Variants in LUZP2 observed in about 807,000 individuals in gnomAD.
LUZP2 encodes leucine zipper protein 2.
Under a neutral mutation model 51.6 loss-of-function variants are expected in LUZP2, and 52 were observed. That is an observed-to-expected ratio of 1.01 (90% CI 0.81 to 1.27). The LOEUF is 1.27. Ranked by LOEUF, LUZP2 falls within the 50% of genes most tolerant of loss-of-function variation. The pLI, the probability that LUZP2 is intolerant of heterozygous loss-of-function variation, is 0.00. For synonymous variants in LUZP2, 154 were observed against 137.3 expected (o/e 1.12, Z -0.85); for missense variants, 436 against 395.4 (o/e 1.10, Z -0.87).
At chr11:24,885,612 AG>A (rs1189413863) in intron 5 of LUZP2, among the ~76,000 whole-genome samples, 1 of 152,182 alleles carries the variant, frequency 6.6e-6, no homozygotes, top group Non-Finnish European at 1.5e-5. Context: ...TAGTTTACTC[AG>A]TGTATTGAAA....
At chr11:24,996,001 T>A (rs951124098) in intron 9 of LUZP2, among the ~76,000 whole-genome samples, 6 of 151,352 alleles carry the variant, frequency 4.0e-5, no homozygotes, top group African/African-American at 1.4e-4. Context: ...TAATGTTATA[T>A]TCTTCTATCT....
chr11:24,977,252 A>G (rs1290933764), intron 8 of LUZP2, among the ~76,000 whole-genome samples: 2 of 151,710 alleles, frequency 1.3e-5, no homozygotes, highest in Admixed American at 1.3e-4. Flanking sequence ...TAATATTAAC[A>G]AATATACATA....
At chr11:25,017,245 A>C (rs1857187544) in intron 9 of LUZP2, among the ~76,000 whole-genome samples, 1 of 151,858 alleles carries the variant, frequency 6.6e-6, no homozygotes, top group South Asian at 2.1e-4. Flanking sequence ...ATGATGATTT[A>C]TTTTTCTATG....
At chr11:24,606,656 G>GTT (rs1412764199) in intron 1 of LUZP2, among the ~76,000 whole-genome samples, 1 of 151,896 alleles carries the variant, frequency 6.6e-6, no homozygotes, top group Non-Finnish European at 1.5e-5. Flanking sequence ...TATTTCCTTT[G>GTT]TATGTATGCC....
intron 9 of LUZP2, among the ~76,000 whole-genome samples, chr11:25,018,562 T>G (rs187869542): frequency 9.9e-5 from 15 of 152,094 alleles, no homozygotes; most frequent in African/African-American, 3.4e-4. Flanking sequence ...CTTTTAGTCT[T>G]TGAGCTATAA....
At chr11:24,757,118 A>G (rs1281265061) in intron 4 of LUZP2, among the ~76,000 whole-genome samples, 1 of 152,178 alleles carries the variant, frequency 6.6e-6, no homozygotes, top group Non-Finnish European at 1.5e-5. Context: ...GGGCCTGAGA[A>G]CATGTGTTTG....
At chr11:24,844,455 TA>T (rs1325237771) in intron 5 of LUZP2, among the ~76,000 whole-genome samples, 1 of 152,120 alleles carries the variant, frequency 6.6e-6, no homozygotes, top group African/African-American at 2.4e-5. Flanking sequence ...AAGCAGAGTG[TA>T]AAAGTTCAGA....
At chr11:25,047,874 A>T (rs1858365941) in intron 9 of LUZP2, among the ~76,000 whole-genome samples, 1 of 152,166 alleles carries the variant, frequency 6.6e-6, no homozygotes. Flanking sequence ...GTAAGAGTGC[A>T]GTGATACAAT....
intron 1 of LUZP2, among the ~76,000 whole-genome samples, chr11:24,561,012 C>T (rs2133771677): frequency 6.6e-6 from 1 of 152,070 alleles, no homozygotes; most frequent in Non-Finnish European, 1.5e-5. Context: ...AGACATTTTT[C>T]CAAAGGAAAA....
At chr11:24,953,676 A>T (rs1183810051) in intron 7 of LUZP2, among the ~76,000 whole-genome samples, 1 of 152,042 alleles carries the variant, frequency 6.6e-6, no homozygotes, top group Non-Finnish European at 1.5e-5. Context: ...ACAGAAACAA[A>T]AAAAGTGCTT....
At chr11:24,619,568 A>C (rs1165188944) in intron 1 of LUZP2, among the ~76,000 whole-genome samples, 2 of 152,152 alleles carry the variant, frequency 1.3e-5, no homozygotes, top group African/African-American at 4.8e-5. Flanking sequence ...ACATTATAGG[A>C]AAAAGTAGTA....
chr11:24,849,587 C>T (rs555589960), intron 5 of LUZP2, among the ~76,000 whole-genome samples: 18 of 152,194 alleles, frequency 1.2e-4, no homozygotes, highest in East Asian at 3.9e-4. Flanking sequence ...AATAAACATA[C>T]GTGTGCATGT....
rs543345782 is a variant in LUZP2, at chr11:24,525,964, T to C, written c.62+28659T>C. ...TTGCTTTTGTGATACATCTATAGAATATTCTTCTTATAATCCATGATTTTA... is the reference window on the plus strand; with the variant it reads ...TTGCTTTTGTGATACATCTATAGAACATTCTTCTTATAATCCATGATTTTA... On this transcript the variant is annotated intron_variant, in intron 1 of 11. Coordinates refer to ENST00000336930, the MANE Select transcript of LUZP2 (RefSeq NM_001009909.4). Among the ~76,000 whole-genome samples the C allele has an allele frequency of 2.2e-4, 34 of 151,534 alleles. No individual in the cohort carries two copies. In the South Asian group the frequency reaches 3.1e-3, roughly 14 times the overall value.
At chr11:24,592,090 T>C (rs539788185) in intron 1 of LUZP2, among the ~76,000 whole-genome samples, 1 of 152,224 alleles carries the variant, frequency 6.6e-6, no homozygotes, top group South Asian at 2.1e-4. Flanking sequence ...GGGCACATTC[T>C]GTGTGTGGGT....
At chr11:24,809,857 GAA>G (rs1451974895) in intron 5 of LUZP2, among the ~76,000 whole-genome samples, 4 of 152,040 alleles carry the variant, frequency 2.6e-5, no homozygotes, top group Admixed American at 2.6e-4. Context: ...AGGTATAAAT[GAA>G]AACTTTACTC....
At chr11:24,881,877 C>T (rs1278525112) in intron 5 of LUZP2, among the ~76,000 whole-genome samples, 1 of 151,090 alleles carries the variant, frequency 6.6e-6, no homozygotes, top group Non-Finnish European at 1.5e-5. Flanking sequence ...AAAATATGTG[C>T]ATATAAAATC....
intron 1 of LUZP2, among the ~76,000 whole-genome samples, chr11:24,690,178 T>C (rs1231480853): frequency 1.3e-5 from 2 of 152,108 alleles, no homozygotes; most frequent in Non-Finnish European, 2.9e-5. Context: ...TTACATTAAA[T>C]TAATAATCAC....
intron 1 of LUZP2, among the ~76,000 whole-genome samples, chr11:24,545,069 G>A (rs750968665): frequency 6.6e-6 from 1 of 151,420 alleles, no homozygotes; most frequent in African/African-American, 2.4e-5. Context: ...TGACTTTTGG[G>A]CACATGTATG....
intron 5 of LUZP2, among the ~76,000 whole-genome samples, chr11:24,818,088 T>TG (rs1850238875): frequency 6.6e-6 from 1 of 152,092 alleles, no homozygotes; most frequent in Middle Eastern, 3.2e-3. Context: ...GCAACTTGAT[T>TG]TTTTTAAAAA....
Sources: allele counts gnomAD v4.1 joint callset (sites outside exome capture counted in the v4.1 genomes callset), GRCh38; gene constraint gnomAD v4.1.1; transcripts MANE v1.5; gene names NCBI Gene and HGNC (gene_info 2026-07-23, HGNC 2026-07-21).